The following PRRC2C variants were observed in gnomAD, a reference collection of about 807,000 sequenced individuals.
PRRC2C encodes proline rich coiled-coil 2C, also known as protein PRRC2C.
PRRC2C carries 72 observed loss-of-function variants against 317.2 expected under a neutral mutation model. The observed-to-expected ratio is 0.23, with a 90% CI of 0.19 to 0.28. The LOEUF (loss-of-function observed/expected upper bound fraction) is 0.28. PRRC2C is among the 10% of genes least tolerant of loss of function. The probability of loss-of-function intolerance (pLI) is 1.00; values close to 1 mark genes in which losing one functional copy is unlikely to be tolerated. For missense variants in PRRC2C, 3,074 were observed against 3,459.7 expected, an observed-to-expected ratio of 0.89 and a Z score of 2.80; for synonymous variants, 1,296 against 1,205.9, an observed-to-expected ratio of 1.07 and a Z score of -1.55.
At chr1:171,507,483 C>G (rs574133300) in intron 1 of PRRC2C, among the ~76,000 whole-genome samples, 1 of 152,174 alleles carries the variant, frequency 6.6e-6, no homozygotes, top group African/African-American at 2.4e-5. Context: ...TGGTGGCAGA[C>G]GCCCGTAGTC....
chr1:171,565,910 T>C (rs1434674926), intron 20 of PRRC2C, among the ~76,000 whole-genome samples: 1 of 152,208 alleles, frequency 6.6e-6, no homozygotes, highest in Non-Finnish European at 1.5e-5. Context: ...ATCTGTTTGT[T>C]GGTAGTGGTG....
At chr1:171,489,473 G>C (rs967600922) in intron 1 of PRRC2C, among the ~76,000 whole-genome samples, 1 of 152,234 alleles carries the variant, frequency 6.6e-6, no homozygotes, top group Admixed American at 6.5e-5. Flanking sequence ...AAGATAAAAA[G>C]GTGTATAAGA....
At position 171,541,686 on chromosome 1, in the gene PRRC2C, G is replaced by A. The variant is rs778178858; in HGVS notation, c.4220G>A (p.Arg1407Gln). ...EQFIPIAADKRPPKFERKFDP... is the reference protein window; with the variant it reads ...EQFIPIAADKQPPKFERKFDP... ...TTTATTCCTATAGCAGCAGATAAAC[G>A]ACCTCCAAAATTTGAGCGAAAATTT... Residue 1407 changes from arginine (R) to glutamine (Q), a missense_variant, in exon 16 of 35, where the codon CGA (arginine) becomes CAA (glutamine). This residue lies in a region of PRRC2C where 1,320 missense variants were observed against 1,395.7 expected (regional missense o/e 0.95). Transcript: ENST00000647382. This position sits in a 1 kb window ranked among gnomAD's most constrained non-coding sequence, Gnocchi z 4.1. The A allele has an allele frequency of 1.5e-5, 25 of 1,613,812 alleles. No homozygotes were observed. The highest frequency in any genetic ancestry group is 2.1e-5 in the Non-Finnish European group (25 of 1,179,872).
intron 17 of PRRC2C, among the ~76,000 whole-genome samples, chr1:171,548,035 G>T (rs1442981738): frequency 6.6e-6 from 1 of 151,132 alleles, no homozygotes; most frequent in Non-Finnish European, 1.5e-5. Context: ...GCGTGATCTC[G>T]GCTCACTGCA....
intron 34 of PRRC2C, among the ~76,000 whole-genome samples, 191 bp downstream of exon 34, chr1:171,589,796 CTTTT>C (rs1280705589): frequency 1.4e-5 from 2 of 140,238 alleles, no homozygotes; most frequent in South Asian, 2.3e-4. Context: ...TCTTTTTTTT[CTTTT>C]TGTTTCTTTT....
rs1339461176 is a variant in PRRC2C, at chr1:171,557,811, C to G, written c.5699C>G (p.Pro1900Arg). The stretch of plus-strand genomic sequence containing the variant: ...GCACCAACTATCCCAGCCTCAGCCC[C>G]AACTGCCTCAGTCCCACTTGCCCCT... ...ITAPTIPASA[P>R]TASVPLAPAS... The change falls in exon 19 of 35, where the codon CCA (proline) becomes CGA (arginine). Residue 1900 changes from proline to arginine, a missense_variant. Coordinates refer to ENST00000647382, the MANE Select transcript of PRRC2C (RefSeq NM_001387844.1). 6.5e-7 allele frequency: 1 copy of G among 1,550,354 alleles called. No homozygotes were observed. The highest frequency in any genetic ancestry group is 8.7e-7 in the Non-Finnish European group (1 of 1,146,142).
chr1:171,570,649 TAA>T (rs1012261353), intron 23 of PRRC2C, among the ~76,000 whole-genome samples: 12 of 152,210 alleles, frequency 7.9e-5, no homozygotes, highest in African/African-American at 2.9e-4. Context: ...TCTAATATCT[TAA>T]AGTTTCTAAC....
At chr1:171,564,120 C>G (rs914346654) in intron 20 of PRRC2C, among the ~76,000 whole-genome samples, 6 of 152,118 alleles carry the variant, frequency 3.9e-5, no homozygotes, top group African/African-American at 1.4e-4. Context: ...TTTGTATTAG[C>G]AAAGTTGACA....
Position 171,512,995 on chromosome 1 carries a change from T to A in PRRC2C, c.113T>A (p.Val38Asp). Residue 38 changes from valine to aspartate, a missense_variant and splice_region_variant, in exon 3 of 35, where the codon GTT becomes GAT. This residue lies in a region of PRRC2C where 71 missense variants were observed against 118.9 expected (regional missense o/e 0.60). Transcript: ENST00000647382. The stretch of plus-strand genomic sequence containing the variant: ...GAAAGTTGATGTTATTGATCTTTAG[T>A]TGCAGCTCGACATGGATTACAGAGT... Reference protein sequence around the residue: ...GKSLETQKTTVAARHGLQSLG... With the variant: ...GKSLETQKTTDAARHGLQSLG... The A allele has an allele frequency of 6.3e-7, 1 of 1,599,032 alleles. No homozygotes were observed. Among genetic ancestry groups the A allele is most frequent in the Non-Finnish European group, 8.5e-7 (1 of 1,174,076 alleles).
intron 5 of PRRC2C, among the ~76,000 whole-genome samples, 179 bp from the exon 6 acceptor site, chr1:171,517,412 T>C (rs551355244): frequency 2.0e-5 from 3 of 152,234 alleles, no homozygotes; most frequent in Non-Finnish European, 4.4e-5. Flanking sequence ...GTACATCCTC[T>C]CCACTTTGGA....
chr1:171,563,398 A>G (rs1205671220), intron 20 of PRRC2C, among the ~76,000 whole-genome samples: 1 of 152,196 alleles, frequency 6.6e-6, no homozygotes, highest in Non-Finnish European at 1.5e-5. Context: ...AAGAAAGAAC[A>G]GTCTGTTCTT....
At chr1:171,495,989 A>G (rs1668014038) in intron 1 of PRRC2C, among the ~76,000 whole-genome samples, 1 of 152,098 alleles carries the variant, frequency 6.6e-6, no homozygotes. Context: ...AATGGAGAAG[A>G]GAGCAAGCTC....
intron 5 of PRRC2C, 140 bp downstream of exon 5, chr1:171,515,999 G>A: frequency 2.2e-6 from 2 of 922,672 alleles, no homozygotes; most frequent in Non-Finnish European, 3.0e-6. Context: ...TGCTACTCAG[G>A]TATGATTTTT....
intron 24 of PRRC2C, among the ~76,000 whole-genome samples, chr1:171,573,753 A>G (rs1349100802): frequency 7.6e-6 from 1 of 130,824 alleles, no homozygotes; most frequent in East Asian, 2.3e-4. Context: ...ATCTCGGCTC[A>G]CTGCAACCTC....
chr1:171,503,706 A>C (rs979826556), intron 1 of PRRC2C, among the ~76,000 whole-genome samples: 1 of 152,156 alleles, frequency 6.6e-6, no homozygotes, highest in Non-Finnish European at 1.5e-5. Flanking sequence ...AATGATGCTG[A>C]GTGTATTAGT....
Position 171,592,118 on chromosome 1 carries a change from C to A in PRRC2C, c.*271C>A. ...CAGAATTTATATATAAATGTATGCA[C>A]CCATTTTTTTGAGTGCATATAATTT... is the stretch of plus-strand genomic sequence containing the variant. On this transcript the variant is annotated 3_prime_UTR_variant, in exon 35 of 35. Coordinates refer to ENST00000647382, the MANE Select transcript of PRRC2C (RefSeq NM_001387844.1). 2 of 328,098 alleles carry A rather than the reference C, an allele frequency of 6.1e-6. No homozygotes were observed. Among genetic ancestry groups the A allele is most frequent in the Non-Finnish European group, 1.1e-5 (2 of 181,888 alleles). 20.3% of individuals were successfully genotyped at this position (328,098 alleles called of 1,614,324 possible).
intron 1 of PRRC2C, among the ~76,000 whole-genome samples, chr1:171,493,627 C>T (rs571204116): frequency 6.6e-6 from 1 of 152,272 alleles, no homozygotes; most frequent in South Asian, 2.1e-4. Flanking sequence ...TGACACCAGC[C>T]TGGCCAACAT....
intron 1 of PRRC2C, among the ~76,000 whole-genome samples, chr1:171,504,937 A>G (rs1422628482): frequency 1.3e-5 from 2 of 151,966 alleles, no homozygotes; most frequent in African/African-American, 2.4e-5. Context: ...TTCTTATGCC[A>G]TGTTTGTGTA....
chr1:171,568,783 T>C (rs1176536568), intron 23 of PRRC2C, among the ~76,000 whole-genome samples: 1 of 152,138 alleles, frequency 6.6e-6, no homozygotes, highest in East Asian at 1.9e-4. Flanking sequence ...GAATCAAGTA[T>C]GTCTTTAAAA....
Sources: gnomAD v4.1 joint callset for allele counts (sites outside exome capture counted in the v4.1 genomes callset) on GRCh38, gnomAD v4.1.1 for gene constraint, gnomAD v4.1.1 regional missense constraint, Gnocchi (gnomAD v3.1) non-coding constraint, MANE v1.5 for transcripts, NCBI Gene and HGNC (gene_info 2026-07-23, HGNC 2026-07-21) for gene names.